The following ACSS3 variants were observed in gnomAD, a reference collection of about 807,000 sequenced individuals.
The protein encoded by ACSS3 is acyl-CoA synthetase short-chain family member 3, mitochondrial.
A neutral mutation model predicts 84.2 loss-of-function variants in ACSS3; 64 were observed. The ratio of observed to expected loss-of-function variants is 0.76; its 90% confidence interval spans 0.62 to 0.94. The LOEUF (loss-of-function observed/expected upper bound fraction) is 0.94, where lower values mean the gene tolerates loss of function less well. Among genes scored for constraint, ACSS3 ranks in the 40% least tolerant of loss-of-function variants. The probability of loss-of-function intolerance (pLI) is 0.00; values close to 1 mark genes in which losing one functional copy is unlikely to be tolerated. For missense variants in ACSS3, 815 were observed against 867.6 expected (o/e 0.94, Z 0.76); for synonymous variants, 317 against 310.1 (o/e 1.02, Z -0.23).
At chr12:81,184,443 G>T (rs774952746) in intron 8 of ACSS3, among the ~76,000 whole-genome samples, 3 of 151,554 alleles carry the variant, frequency 2.0e-5, no homozygotes, top group Admixed American at 6.6e-5. Flanking sequence ...TATCAGAACA[G>T]CAGTAAATCA....
intron 2 of ACSS3, among the ~76,000 whole-genome samples, chr12:81,124,703 G>A (rs982064996): frequency 6.6e-6 from 1 of 152,064 alleles, no homozygotes; most frequent in African/African-American, 2.4e-5. Context: ...GCTTAACAGG[G>A]TACATTGATT....
rs746703740 is a variant in ACSS3, at chr12:81,260,778, C to G, written c.*5856C>G. On this transcript the variant is annotated 3_prime_UTR_variant, in exon 16 of 16. Coordinates refer to ENST00000548058, the MANE Select transcript of ACSS3 (RefSeq NM_024560.4). The stretch of plus-strand genomic sequence containing the variant: ...AGGTGAGTTGTTCCTCTGTCTATAA[C>G]TGTTTTCTCTTAACCCTGTGCACAC... 9.9e-5 allele frequency: 15 copies of G among 152,150 alleles called. No individual in the cohort carries two copies. The highest frequency in any genetic ancestry group is 2.1e-4 in the Non-Finnish European group (14 of 68,028). The allele number at this position is 152,150 out of a possible 1,614,324, so 9.4% of individuals were successfully genotyped here. A position where few individuals can be genotyped will look rare whatever the true frequency, so the allele number is the denominator to read the frequency against.
At position 81,216,974 on chromosome 12, in the gene ACSS3, A is replaced by G. The variant is rs746777192; in HGVS notation, c.1428A>G (p.Gly476=). 1 of 1,609,172 alleles carries G rather than the reference A, an allele frequency of 6.2e-7. No individual in the cohort carries two copies. Among genetic ancestry groups the G allele is most frequent in the Admixed American group, 1.7e-5 (1 of 59,892 alleles). ...AAACACCTCCACCAGGGCAAGCAGGAAAAAGCGTCCCAGGATACAATGGTA... is the reference window on the plus strand; with the variant it reads ...AAACACCTCCACCAGGGCAAGCAGGGAAAAGCGTCCCAGGATACAATGGTA... The part of the protein sequence containing the change: ...NSKTPPPGQA[G]KSVPGYNVMI... The change falls in exon 10 of 16, where the codon GGA becomes GGG. Residue 476 remains glycine (G), a synonymous_variant. Transcript: ENST00000548058.
intron 12 of ACSS3, 43 bp from the exon 13 acceptor site, chr12:81,233,306 T>C: frequency 6.3e-7 from 1 of 1,588,314 alleles, no homozygotes; most frequent in Non-Finnish European, 8.6e-7. Context: ...TTACATTAGT[T>C]AACAGTACAT....
At chr12:81,134,743 A>G in intron 2 of ACSS3, 73 bp from the exon 3 acceptor site, 2 of 1,330,096 alleles carry the variant, frequency 1.5e-6, no homozygotes, top group Non-Finnish European at 2.0e-6. Flanking sequence ...AGCTTCTAAT[A>G]TTACTGCCTT....
At chr12:81,091,621 A>G (rs1881673269) in intron 1 of ACSS3, among the ~76,000 whole-genome samples, 1 of 152,002 alleles carries the variant, frequency 6.6e-6, no homozygotes, top group Admixed American at 6.6e-5. Context: ...TTATAAAAAT[A>G]TTAATTTTCA....
intron 7 of ACSS3, among the ~76,000 whole-genome samples, chr12:81,170,626 T>A (rs2029961906): frequency 6.6e-6 from 1 of 152,032 alleles, no homozygotes; most frequent in South Asian, 2.1e-4. Context: ...AGCTTTAAAG[T>A]TGGTATTTTT....
chr12:81,180,818 G>A (rs1335107179), intron 8 of ACSS3, among the ~76,000 whole-genome samples: 1 of 152,076 alleles, frequency 6.6e-6, no homozygotes, highest in Non-Finnish European at 1.5e-5. Flanking sequence ...GCCAGGTCAT[G>A]GACCTACATT....
Position 81,143,098 on chromosome 12 carries a change from G to C in ACSS3, c.781-9G>C. On this transcript the variant is annotated splice_polypyrimidine_tract_variant and intron_variant, in intron 4 of 15. Transcript: ENST00000548058. ...TTACAGTACATATTCTTATATTTTTGCTGTGTAGGAGGCGGTTCCTTTGGC... is the reference window on the plus strand; with the variant it reads ...TTACAGTACATATTCTTATATTTTTCCTGTGTAGGAGGCGGTTCCTTTGGC... 6.2e-7 allele frequency: 1 copy of C among 1,605,228 alleles called. No homozygotes were observed. Among genetic ancestry groups the C allele is most frequent in the Non-Finnish European group, 8.5e-7 (1 of 1,174,976 alleles).
At position 81,152,060 on chromosome 12, in the gene ACSS3, A is replaced by C; in HGVS notation, c.1062A>C (p.Gly354=). The C allele has an allele frequency of 3.1e-6, 5 of 1,613,270 alleles. No individual in the cohort carries two copies. Among genetic ancestry groups the C allele is most frequent in the Non-Finnish European group, 2.5e-6 (3 of 1,179,706 alleles). Residue 354 remains glycine, a synonymous_variant, in exon 7 of 16, where the codon GGA becomes GGC. Coordinates refer to ENST00000548058, the MANE Select transcript of ACSS3 (RefSeq NM_024560.4). ...TTGGACATTCCTATATCTGCTATGG[A>C]CCTCTTCTTCATGGGAACACAACAG... ...WVVGHSYICY[G]PLLHGNTTVL...
intron 1 of ACSS3, among the ~76,000 whole-genome samples, chr12:81,102,668 A>C (rs1593044490): frequency 1.8e-5 from 1 of 54,748 alleles, no homozygotes; most frequent in East Asian, 2.6e-4. Flanking sequence ...TAAAACTACC[A>C]AAAAAAAAAA....
At chr12:81,224,092 A>G (rs2135955861) in intron 11 of ACSS3, among the ~76,000 whole-genome samples, 1 of 152,066 alleles carries the variant, frequency 6.6e-6, no homozygotes, top group South Asian at 2.1e-4. Context: ...CTCTCAATTC[A>G]TAATTGGATG....
intron 5 of ACSS3, 128 bp downstream of exon 5, chr12:81,143,375 AT>A (rs928322262): frequency 2.9e-4 from 302 of 1,051,876 alleles, no homozygotes; most frequent in South Asian, 6.6e-4. Context: ...ATTTGCTTTT[AT>A]TTTTTTTTCC....
Position 81,155,502 on chromosome 12 carries a change from A to G in ACSS3, c.1098+3406A>G, listed in dbSNP as rs543914778. 6.0e-4 allele frequency among the ~76,000 whole-genome samples: 92 copies of G among 152,284 alleles called. 1 individual carries two copies. The highest frequency in any genetic ancestry group is 6.8e-3 in the Middle Eastern group (2 of 294). Reference sequence around the variant, plus strand: ...GTATCTCCACCCCACCCTGCAAACCATATTTCCTTCAGTGCACTCTGTGTT... The same window carrying G: ...GTATCTCCACCCCACCCTGCAAACCGTATTTCCTTCAGTGCACTCTGTGTT... On this transcript the variant is annotated intron_variant, in intron 7 of 15. Transcript: ENST00000548058.
At chr12:81,174,616 G>C in intron 7 of ACSS3, 172 bp from the exon 8 acceptor site, 1 of 608,674 alleles carries the variant, frequency 1.6e-6, no homozygotes, top group Non-Finnish European at 2.6e-6. Context: ...TCTCTGTTAT[G>C]CCTGGGTATT....
At chr12:81,203,380 T>C (rs2032195949) in intron 9 of ACSS3, among the ~76,000 whole-genome samples, 1 of 152,164 alleles carries the variant, frequency 6.6e-6, no homozygotes, top group South Asian at 2.1e-4. Context: ...CCAAACATAA[T>C]GCTTTACCAG....
intron 9 of ACSS3, 154 bp downstream of exon 9, chr12:81,199,598 T>G (rs2032009261): frequency 2.7e-6 from 4 of 1,485,082 alleles, no homozygotes; most frequent in Non-Finnish European, 3.6e-6. Context: ...ATTTTTTTAT[T>G]GTTGTGTTAT....
At chr12:81,109,303 C>G (rs1329498124) in intron 1 of ACSS3, among the ~76,000 whole-genome samples, 1 of 152,064 alleles carries the variant, frequency 6.6e-6, no homozygotes, top group East Asian at 1.9e-4. Context: ...CAATAAAATC[C>G]ACAAAGTCGC....
rs761500469 is a variant in ACSS3 at position 81,256,856 on chromosome 12, C to T, written c.*1934C>T. ...ATTATGTTAGTAGACTGAATTAAAC[C>T]AGCTACATAGACACTCTCTCATTTG... On this transcript the variant is annotated 3_prime_UTR_variant, in exon 16 of 16. Coordinates refer to ENST00000548058, the MANE Select transcript of ACSS3 (RefSeq NM_024560.4). 6.6e-6 allele frequency: 1 copy of T among 152,030 alleles called. No homozygotes were observed. The allele number at this position is 152,030 out of a possible 1,614,324, so 9.4% of individuals were successfully genotyped here.
Sources: gnomAD v4.1 joint callset for allele counts (sites outside exome capture counted in the v4.1 genomes callset) on GRCh38, gnomAD v4.1.1 for gene constraint, MANE v1.5 for transcripts, NCBI Gene and HGNC (gene_info 2026-07-23, HGNC 2026-07-21) for gene names.